Variants in MAP7 observed in about 807,000 individuals in gnomAD.
MAP7 encodes the protein ensconsin.
MAP7 carries 52 observed loss-of-function variants against 94.8 expected under a neutral mutation model. That is an observed-to-expected ratio of 0.55 (90% CI 0.44 to 0.69). MAP7 has a LOEUF of 0.69. Ranked by LOEUF, MAP7 falls within the 30% of genes least tolerant of loss-of-function variation. The pLI is 0.00. For missense variants in MAP7, 940 were observed against 964.6 expected (o/e 0.97, Z 0.34); for synonymous variants, 350 against 357.0 (o/e 0.98, Z 0.22).
At chr6:136,529,808 C>T (rs1027597848) in intron 1 of MAP7, among the ~76,000 whole-genome samples, 4 of 152,314 alleles carry the variant, frequency 2.6e-5, no homozygotes, top group African/African-American at 9.6e-5. Flanking sequence ...CTGCAGGCCC[C>T]ACCCGCTTGG....
chr6:136,349,761 C>G (rs1433268408), intron 16 of MAP7, among the ~76,000 whole-genome samples: 1 of 152,074 alleles, frequency 6.6e-6, no homozygotes, highest in African/African-American at 2.4e-5. Context: ...AGTGGGGAAC[C>G]TGTCAGGGGG....
rs775362799 is a variant in MAP7, at chr6:136,389,336, T to TC, written c.408+17dup. 2 of 1,520,658 alleles carry TC rather than the reference T, an allele frequency of 1.3e-6. No homozygotes were observed. The highest frequency in any genetic ancestry group is 1.8e-6 in the Non-Finnish European group (2 of 1,139,796). The allele number at this position is 1,520,658 out of a possible 1,614,324, so 94.2% of individuals were successfully genotyped here. ...GAACTAGAGGAGCCACTCATATTCT[T>TC]CCCGGGGGGCGGCTCACTTTGTCCT... On this transcript the variant is annotated intron_variant, in intron 4 of 17. Transcript: ENST00000354570.
At chr6:136,521,299 A>C (rs1226794235) in intron 1 of MAP7, among the ~76,000 whole-genome samples, 4 of 152,200 alleles carry the variant, frequency 2.6e-5, no homozygotes, top group Non-Finnish European at 5.9e-5. Flanking sequence ...TGAGAAGTTT[A>C]TTTCTAATGG....
At chr6:136,351,953 G>C (rs1468105230) in intron 16 of MAP7, among the ~76,000 whole-genome samples, 1 of 152,110 alleles carries the variant, frequency 6.6e-6, no homozygotes, top group Non-Finnish European at 1.5e-5. Context: ...ACCCCCACTG[G>C]GGCAGATTCA....
chr6:136,436,816 A>G (rs943384065), intron 1 of MAP7, among the ~76,000 whole-genome samples: 8 of 152,248 alleles, frequency 5.3e-5, no homozygotes, highest in African/African-American at 1.9e-4. Context: ...TATTTCACAC[A>G]AGGAAAATTT....
At position 136,354,106 on chromosome 6, in the gene MAP7, CTA is replaced by C. The variant is rs1398686767; in HGVS notation, c.2015+2584_2015+2585del. On this transcript the variant is annotated intron_variant, in intron 16 of 17. Coordinates refer to ENST00000354570, the MANE Select transcript of MAP7 (RefSeq NM_003980.6). Reference sequence around the variant, plus strand: ...TAATACAAGTAACTCTGGGAATCTACTATATATATATATATATTATATATATA... The same window carrying C: ...TAATACAAGTAACTCTGGGAATCTACTATATATATATATATTATATATATA... Among the ~76,000 whole-genome samples, 112 of 93,838 alleles carry C rather than the reference CTA, an allele frequency of 1.2e-3. 1 individual carries two copies. The highest frequency in any genetic ancestry group is 5.3e-4 in the African/African-American group (14 of 26,260). 61.6% of individuals were successfully genotyped at this position (93,838 alleles called of 152,430 possible). A position where few individuals can be genotyped will look rare whatever the true frequency, so the allele number is the denominator to read the frequency against.
chr6:136,383,289 A>T (rs764704924), intron 6 of MAP7, among the ~76,000 whole-genome samples: 4 of 152,244 alleles, frequency 2.6e-5, no homozygotes, highest in Non-Finnish European at 4.4e-5. Context: ...CAGAGCCTGG[A>T]ATTCCCAAAG....
chr6:136,372,429 G>A (rs1022689865), intron 8 of MAP7, 72 bp downstream of exon 8: 3 of 1,570,268 alleles, frequency 1.9e-6, no homozygotes, highest in Admixed American at 1.7e-5. Flanking sequence ...CCACAGCTCA[G>A]GGTCATGTAC....
intron 3 of MAP7, 111 bp downstream of exon 3, chr6:136,411,509 C>T (rs1353761536): frequency 1.2e-6 from 1 of 860,516 alleles, no homozygotes; most frequent in Non-Finnish European, 1.8e-6. Context: ...TCATCACATA[C>T]TAAATTCTGC....
chr6:136,495,629 A>T (rs1228685843), intron 1 of MAP7, among the ~76,000 whole-genome samples: 1 of 152,168 alleles, frequency 6.6e-6, no homozygotes, highest in Non-Finnish European at 1.5e-5. Flanking sequence ...GGGTTACTCA[A>T]CCTGTATAAG....
At chr6:136,394,970 A>ATATATATG (rs1582782641) in intron 3 of MAP7, among the ~76,000 whole-genome samples, 1 of 131,236 alleles carries the variant, frequency 7.6e-6, no homozygotes, top group South Asian at 2.4e-4. Context: ...ATATATATAT[A>ATATATATG]TCACATTTTC....
At chr6:136,480,739 A>G (rs1274243904) in intron 1 of MAP7, among the ~76,000 whole-genome samples, 1 of 151,858 alleles carries the variant, frequency 6.6e-6, no homozygotes, top group Admixed American at 6.6e-5. Context: ...AATACCCCAG[A>G]GGCACAGGCA....
At chr6:136,442,828 C>T (rs1334911288) in intron 1 of MAP7, among the ~76,000 whole-genome samples, 2 of 152,132 alleles carry the variant, frequency 1.3e-5, no homozygotes, top group East Asian at 1.9e-4. Context: ...TACATATGCT[C>T]CTAAGGGTAT....
chr6:136,497,699 T>C (rs776583615), intron 1 of MAP7, among the ~76,000 whole-genome samples: 12 of 146,314 alleles, frequency 8.2e-5, no homozygotes, highest in Non-Finnish European at 1.3e-4. Flanking sequence ...CTCAGGAGGC[T>C]GAGGCAGGAG....
rs1347547882 is a variant in MAP7, at chr6:136,343,039, A to G, written c.*1189T>C. ...TAAATTTATCTTTTAAACACTCCAC[A>G]TAAAAACATGTGCACCCTCTCCTTC... is the stretch of plus-strand genomic sequence containing the variant. On this transcript the variant is annotated 3_prime_UTR_variant, in exon 18 of 18. Coordinates refer to ENST00000354570, the MANE Select transcript of MAP7 (RefSeq NM_003980.6). 7 of 152,616 alleles carry G rather than the reference A, an allele frequency of 4.6e-5. No individual in the cohort carries two copies. Among genetic ancestry groups the G allele is most frequent in the Non-Finnish European group, 2.9e-5 (2 of 68,046 alleles). 9.5% of individuals were successfully genotyped at this position (152,616 alleles called of 1,614,324 possible). A position where few individuals can be genotyped will look rare whatever the true frequency, so the allele number is the denominator to read the frequency against.
At chr6:136,394,227 C>T (rs2128680971) in intron 3 of MAP7, among the ~76,000 whole-genome samples, 1 of 152,138 alleles carries the variant, frequency 6.6e-6, no homozygotes, top group African/African-American at 2.4e-5. Flanking sequence ...TCGTGATCCA[C>T]CCACCTCGGC....
At chr6:136,525,900 G>A (rs1407253832) in intron 1 of MAP7, 1 of 1,535,314 alleles carries the variant, frequency 6.5e-7, no homozygotes, top group South Asian at 1.2e-5. Context: ...TAAACCAAGA[G>A]GAATTGGCCT....
At chr6:136,362,848 A>G in intron 10 of MAP7, 146 bp from the exon 11 acceptor site, 2 of 1,332,326 alleles carry the variant, frequency 1.5e-6, no homozygotes, top group South Asian at 1.7e-5. Flanking sequence ...TCACGGTTTC[A>G]CTATGTTCTA....
At chr6:136,350,038 C>A (rs1788726331) in intron 16 of MAP7, among the ~76,000 whole-genome samples, 1 of 152,088 alleles carries the variant, frequency 6.6e-6, no homozygotes, top group Non-Finnish European at 1.5e-5. Context: ...ATATTAGGTA[C>A]TAAAGACATT....
Sources: allele counts gnomAD v4.1 joint callset (sites outside exome capture counted in the v4.1 genomes callset), GRCh38; gene constraint gnomAD v4.1.1; transcripts MANE v1.5; gene names NCBI Gene and HGNC (gene_info 2026-07-23, HGNC 2026-07-21).